MCUB: variants seen among roughly 807,000 people sequenced by gnomAD.
The protein encoded by MCUB is mitochondrial calcium uniporter dominant negative subunit beta.
MCUB carries 46 observed loss-of-function variants against 41.4 expected under a neutral mutation model. The ratio of observed to expected loss-of-function variants is 1.11; its 90% CI spans 0.88 to 1.42. The LOEUF (loss-of-function observed/expected upper bound fraction) is 1.42. MCUB is among the 40% of genes most tolerant of loss of function. The pLI is 0.00. For synonymous variants in MCUB, 148 were observed against 148.2 expected (o/e 1.00, Z 0.01); for missense variants, 403 against 404.9 (o/e 1.00, Z 0.04).
At chr4:109,632,897 G>A (rs779076870) in intron 1 of MCUB, among the ~76,000 whole-genome samples, 19 of 152,144 alleles carry the variant, frequency 1.2e-4, no homozygotes, top group Non-Finnish European at 2.2e-4. Flanking sequence ...TTACAGGCAT[G>A]AGCCACCACA....
chr4:109,577,161 T>A (rs917288612), intron 1 of MCUB, among the ~76,000 whole-genome samples: 1 of 152,174 alleles, frequency 6.6e-6, no homozygotes, highest in Non-Finnish European at 1.5e-5. Flanking sequence ...CAGAAATTAT[T>A]TCTTTATGGT....
intron 1 of MCUB, among the ~76,000 whole-genome samples, chr4:109,582,375 T>G (rs1727199997): frequency 1.2e-5 from 1 of 86,104 alleles, no homozygotes. Flanking sequence ...TGGGGCCTGT[T>G]GTGGGGTGGG....
chr4:109,636,875 T>G (rs1004458147), intron 1 of MCUB, among the ~76,000 whole-genome samples: 2 of 152,080 alleles, frequency 1.3e-5, no homozygotes, highest in African/African-American at 4.8e-5. Flanking sequence ...GAGAGAGTGA[T>G]CAAAAGTGGC....
intron 1 of MCUB, among the ~76,000 whole-genome samples, chr4:109,638,507 A>T (rs187423874): frequency 9.0e-4 from 137 of 151,718 alleles, no homozygotes; most frequent in Non-Finnish European, 1.3e-3. Context: ...TTGCTGCTAG[A>T]GGTAGAGGGT....
intron 1 of MCUB, among the ~76,000 whole-genome samples, chr4:109,610,737 T>A (rs1446625477): frequency 6.6e-6 from 1 of 152,232 alleles, no homozygotes; most frequent in African/African-American, 2.4e-5. Flanking sequence ...CTAGATGGCA[T>A]AGCCTGTTAC....
In MCUB at chr4:109,572,918, T is replaced by C. The variant is rs1471130230; in HGVS notation, c.99+12482T>C. Reference sequence around the variant, plus strand: ...CTGTGGAATATTAGTAAGGCTTCAATTAATGAGTTGTCCAAAGTGCTATTT... The same window carrying C: ...CTGTGGAATATTAGTAAGGCTTCAACTAATGAGTTGTCCAAAGTGCTATTT... On this transcript the variant is annotated intron_variant, in intron 1 of 7. Transcript: ENST00000394650. Among the ~76,000 whole-genome samples the C allele has an allele frequency of 3.9e-5, 6 of 152,316 alleles. No homozygotes were observed. The East Asian group carries it at 1.2e-3, about 29-fold the overall frequency.
chr4:109,618,731 A>C (rs760068055), intron 1 of MCUB, among the ~76,000 whole-genome samples: 1 of 151,900 alleles, frequency 6.6e-6, no homozygotes, highest in Non-Finnish European at 1.5e-5. Flanking sequence ...AACTGAAGGT[A>C]TTATTTTCTA....
At chr4:109,670,417 G>T (rs1561248430) in intron 4 of MCUB, among the ~76,000 whole-genome samples, 1 of 152,024 alleles carries the variant, frequency 6.6e-6, no homozygotes, top group Non-Finnish European at 1.5e-5. Context: ...GACAGTCCTT[G>T]TTAAGAGTAA....
chr4:109,639,872 C>T (rs1728675734), intron 1 of MCUB, among the ~76,000 whole-genome samples: 1 of 152,132 alleles, frequency 6.6e-6, no homozygotes, highest in African/African-American at 2.4e-5. Flanking sequence ...TTATTAGCCC[C>T]TATCAGCCCC....
At chr4:109,620,466 G>A (rs1296713371) in intron 1 of MCUB, among the ~76,000 whole-genome samples, 1 of 149,242 alleles carries the variant, frequency 6.7e-6, no homozygotes, top group African/African-American at 2.5e-5. Context: ...TTGTACATGT[G>A]CCCTAAAGAG....
intron 1 of MCUB, among the ~76,000 whole-genome samples, chr4:109,573,086 C>T (rs1422067529): frequency 6.6e-6 from 1 of 152,092 alleles, no homozygotes; most frequent in Non-Finnish European, 1.5e-5. Context: ...TTTCTGGAGT[C>T]TTATTATTCT....
intron 1 of MCUB, among the ~76,000 whole-genome samples, chr4:109,568,912 A>C (rs970507726): frequency 6.6e-6 from 1 of 152,182 alleles, no homozygotes; most frequent in African/African-American, 2.4e-5. Flanking sequence ...TTATCTTCGC[A>C]ATTTCCTCTT....
chr4:109,677,415 T>G (rs965504486), intron 4 of MCUB, among the ~76,000 whole-genome samples: 1 of 152,156 alleles, frequency 6.6e-6, no homozygotes, highest in African/African-American at 2.4e-5. Context: ...TTGGGGCTCT[T>G]GGGATGGAGT....
At chr4:109,603,394 G>A (rs1727791676) in intron 1 of MCUB, among the ~76,000 whole-genome samples, 1 of 152,200 alleles carries the variant, frequency 6.6e-6, no homozygotes, top group Non-Finnish European at 1.5e-5. Flanking sequence ...CGCTCACTCA[G>A]TGCTCAATGT....
chr4:109,618,150 G>A (rs1728170631), intron 1 of MCUB, among the ~76,000 whole-genome samples: 1 of 152,148 alleles, frequency 6.6e-6, no homozygotes, highest in Admixed American at 6.5e-5. Flanking sequence ...AGCAGCACAG[G>A]AACTCGGGAG....
chr4:109,582,293 C>T (rs1214547326), intron 1 of MCUB, among the ~76,000 whole-genome samples: 13 of 146,888 alleles, frequency 8.9e-5, no homozygotes, highest in East Asian at 6.1e-4. Flanking sequence ...AACCAAACAC[C>T]GCATGTTCTC....
chr4:109,638,351 T>C (rs1728639357), intron 1 of MCUB, among the ~76,000 whole-genome samples: 1 of 151,490 alleles, frequency 6.6e-6, no homozygotes, highest in African/African-American at 2.4e-5. Context: ...AGCGAAACCT[T>C]GTCTCAAAAA....
At chr4:109,565,136 A>G (rs944740933) in intron 1 of MCUB, among the ~76,000 whole-genome samples, 2 of 152,234 alleles carry the variant, frequency 1.3e-5, no homozygotes, top group Non-Finnish European at 2.9e-5. Context: ...AAAGATGCTT[A>G]TGGAAAAATG....
chr4:109,571,643 A>G (rs1726919969), intron 1 of MCUB, among the ~76,000 whole-genome samples: 1 of 152,142 alleles, frequency 6.6e-6, no homozygotes, highest in Non-Finnish European at 1.5e-5. Context: ...CCCTCTTAGG[A>G]AATGGTTCTG....
Sources: allele counts gnomAD v4.1 joint callset (sites outside exome capture counted in the v4.1 genomes callset), GRCh38; gene constraint gnomAD v4.1.1; transcripts MANE v1.5; gene names NCBI Gene and HGNC (gene_info 2026-07-23, HGNC 2026-07-21).